DENND5B: variants seen among roughly 807,000 people sequenced by gnomAD.
The protein encoded by DENND5B is DENN domain-containing protein 5B.
In DENND5B, 34 loss-of-function variants were observed where a neutral mutation model predicts 140.6. The ratio of observed to expected loss-of-function variants is 0.24; its 90% CI spans 0.18 to 0.32. The LOEUF (loss-of-function observed/expected upper bound fraction) is 0.32. Among genes scored for constraint, DENND5B ranks in the 10% least tolerant of loss-of-function variants. The pLI is 1.00. For synonymous variants in DENND5B, 551 were observed against 562.1 expected (o/e 0.98, Z 0.28); for missense variants, 1,142 against 1,560.2 (o/e 0.73, Z 4.52).
chr12:31,452,422 A>C lies in DENND5B; in HGVS notation c.1147T>G (p.Phe383Val). 1.2e-6 allele frequency: 2 copies of C among 1,612,434 alleles called. No homozygotes were observed. The highest frequency in any genetic ancestry group is 1.7e-6 in the Non-Finnish European group (2 of 1,179,442). Residue 383 changes from phenylalanine (F) to valine (V), a missense_variant, in exon 5 of 21, where the codon TTT (phenylalanine) becomes GTT (valine). This residue lies in a region of DENND5B where 708 missense variants were observed against 905.5 expected (regional missense o/e 0.78). Coordinates refer to ENST00000389082, the MANE Select transcript of DENND5B (RefSeq NM_144973.4). ...DNHFIELPEE[F>V]PQFPNKVDFI... ...TCCACTTTATTGGGGAACTGTGGAA[A>C]TTCTTCAGGCAACTCAATAAAATGG... is the stretch of plus-strand genomic sequence containing the variant.
chr12:31,497,720 C>T (rs1252230157), intron 1 of DENND5B, among the ~76,000 whole-genome samples: 1 of 137,834 alleles, frequency 7.3e-6, no homozygotes. Context: ...TCACTTGAGA[C>T]CAGCAACATA....
intron 1 of DENND5B, among the ~76,000 whole-genome samples, chr12:31,574,296 A>ATAATAATTC: frequency 1.4e-5 from 1 of 69,870 alleles, no homozygotes. Flanking sequence ...AATAATAATA[A>ATAATAATTC]TTTAAAAGGG....
chr12:31,459,112 C>T (rs2682680), intron 4 of DENND5B, among the ~76,000 whole-genome samples: 100,911 of 151,558 alleles, frequency 0.67, 34,816 homozygotes, highest in East Asian at 0.88. Context: ...CTCGGGAGGA[C>T]GAGGCAGGAG....
At chr12:31,435,736 C>T (rs1415685033) in intron 7 of DENND5B, among the ~76,000 whole-genome samples, 4 of 152,118 alleles carry the variant, frequency 2.6e-5, no homozygotes, top group Admixed American at 2.6e-4. Flanking sequence ...CCTCGGCTCA[C>T]TGCAACCTCC....
intron 1 of DENND5B, among the ~76,000 whole-genome samples, chr12:31,549,310 G>T (rs142503463): frequency 3.9e-5 from 6 of 151,914 alleles, no homozygotes; most frequent in Non-Finnish European, 8.8e-5. Flanking sequence ...ATCGTAAAAC[G>T]GCACTGACTT....
intron 1 of DENND5B, among the ~76,000 whole-genome samples, chr12:31,511,345 G>C (rs1947402658): frequency 6.6e-6 from 1 of 152,096 alleles, no homozygotes; most frequent in Non-Finnish European, 1.5e-5. Context: ...CTACAAATTA[G>C]AACAGATTTT....
At position 31,424,589 on chromosome 12, in the gene DENND5B, G is replaced by A; in HGVS notation, c.2337C>T (p.Ala779=). 6.2e-7 allele frequency: 1 copy of A among 1,613,930 alleles called. No individual in the cohort carries two copies. Among genetic ancestry groups the A allele is most frequent in the Non-Finnish European group, 8.5e-7 (1 of 1,179,882 alleles). ...TCCTCTCCAGCAGGTCACAAAGGCT[G>A]GCGATCAAGGTGTTCTCCTCCAGGC... is the stretch of plus-strand genomic sequence containing the variant. ...ITGLEENTLI[A]SLCDLLERIW... The change falls in exon 10 of 21, where the codon GCC becomes GCT. Residue 779 remains alanine (A), a synonymous_variant. Transcript: ENST00000389082.
intron 1 of DENND5B, among the ~76,000 whole-genome samples, chr12:31,527,715 T>C (rs1185320895): frequency 1.3e-5 from 2 of 151,842 alleles, no homozygotes; most frequent in African/African-American, 4.8e-5. Flanking sequence ...GAGGTGGAGG[T>C]TGCAGTGAGC....
chr12:31,383,425 GAGC>G lies in DENND5B; in HGVS notation c.*4175_*4177del, dbSNP rs1256955009. On this transcript the variant is annotated 3_prime_UTR_variant, in exon 21 of 21. Transcript: ENST00000389082. Reference sequence around the variant, plus strand: ...GCTTTATTGCCAAAAAAGGAAATATGAGCAGTTCAGTATTTCCCCCATATCATT... The same window carrying G: ...GCTTTATTGCCAAAAAAGGAAATATGAGTTCAGTATTTCCCCCATATCATT... The G allele has an allele frequency of 1.3e-5, 2 of 152,106 alleles. No homozygotes were observed. The highest frequency in any genetic ancestry group is 1.3e-4 in the Admixed American group (2 of 15,260). 9.4% of individuals were successfully genotyped at this position (152,106 alleles called of 1,614,324 possible). A position where few individuals can be genotyped will look rare whatever the true frequency, so the allele number is the denominator to read the frequency against.
At chr12:31,456,426 C>T (rs568058625) in intron 4 of DENND5B, among the ~76,000 whole-genome samples, 28 of 152,218 alleles carry the variant, frequency 1.8e-4, no homozygotes, top group African/African-American at 5.3e-4. Flanking sequence ...TACCCTTACC[C>T]TAAAGGCATT....
chr12:31,538,398 AAC>A (rs745936805), intron 1 of DENND5B, among the ~76,000 whole-genome samples: 1 of 152,226 alleles, frequency 6.6e-6, no homozygotes, highest in Non-Finnish European at 1.5e-5. Context: ...TGATAAAGGA[AAC>A]ACAACATACG....
Position 31,529,228 on chromosome 12 carries a change from T to G in DENND5B, c.128-33309A>C, listed in dbSNP as rs79355275. On this transcript the variant is annotated intron_variant, in intron 1 of 20. Transcript: ENST00000389082. ...TGGATGAGATAACCAAGGGAGAAGA[T>G]GATGACAGCAATCTATGAAATCACA... Among the ~76,000 whole-genome samples the G allele has an allele frequency of 2.2e-4, 33 of 149,254 alleles. 1 individual carries two copies. The East Asian group carries it at 6.4e-3, about 29-fold the overall frequency.
chr12:31,480,432 A>C (rs1281376604), intron 2 of DENND5B, among the ~76,000 whole-genome samples, 177 bp from the exon 3 acceptor site: 6 of 152,220 alleles, frequency 3.9e-5, no homozygotes, highest in Non-Finnish European at 8.8e-5. Context: ...CATGTATATA[A>C]AATTATTCTT....
intron 14 of DENND5B, among the ~76,000 whole-genome samples, chr12:31,408,490 G>C (rs1257253482): frequency 6.6e-6 from 1 of 151,728 alleles, no homozygotes; most frequent in Non-Finnish European, 1.5e-5. Context: ...AGCCGGGTGT[G>C]GTGGGGCGTG....
At position 31,382,999 on chromosome 12, in the gene DENND5B, G is replaced by A. The variant is rs1940695553; in HGVS notation, c.*4604C>T. 6.6e-6 allele frequency: 1 copy of A among 152,074 alleles called. No individual in the cohort carries two copies. The highest frequency in any genetic ancestry group is 1.5e-5 in the Non-Finnish European group (1 of 68,010). The allele number at this position is 152,074 out of a possible 1,614,324, so 9.4% of individuals were successfully genotyped here. ...GTAATAAATACTTATATAAGAAACA[G>A]ACTTCAAAAGACATGGATGACTTGG... On this transcript the variant is annotated 3_prime_UTR_variant, in exon 21 of 21. Coordinates refer to ENST00000389082, the MANE Select transcript of DENND5B (RefSeq NM_144973.4).
At chr12:31,443,025 T>A in intron 6 of DENND5B, 100 bp from the exon 7 acceptor site, 2 of 1,092,606 alleles carry the variant, frequency 1.8e-6, no homozygotes, top group Non-Finnish European at 2.6e-6. Flanking sequence ...CCAATCACTC[T>A]GACACTCTGA....
chr12:31,499,671 A>G, intron 1 of DENND5B: 3 of 1,483,524 alleles, frequency 2.0e-6, no homozygotes, highest in African/African-American at 1.4e-5. Flanking sequence ...TTGGTACAAA[A>G]CTACATAATG....
chr12:31,442,188 G>A (rs1944066213), intron 7 of DENND5B, among the ~76,000 whole-genome samples: 1 of 152,162 alleles, frequency 6.6e-6, no homozygotes, highest in South Asian at 2.1e-4. Flanking sequence ...GCAGAGGTGA[G>A]ACATCTGAAG....
chr12:31,472,251 T>TA (rs1471380819), intron 3 of DENND5B, among the ~76,000 whole-genome samples: 2 of 152,190 alleles, frequency 1.3e-5, no homozygotes, highest in Admixed American at 1.3e-4. Context: ...TTTAAGTGTC[T>TA]ATTAAGAAAT....
Sources: allele counts gnomAD v4.1 joint callset (sites outside exome capture counted in the v4.1 genomes callset), GRCh38; gene constraint gnomAD v4.1.1; regional missense constraint gnomAD v4.1.1; transcripts MANE v1.5; gene names NCBI Gene and HGNC (gene_info 2026-07-23, HGNC 2026-07-21).